DENND4C: variants seen among roughly 807,000 people sequenced by gnomAD.
DENND4C encodes the protein DENN domain containing 4C.
DENND4C carries 108 observed loss-of-function variants against 203.0 expected under a neutral mutation model. The observed-to-expected ratio is 0.53, with a 90% CI of 0.46 to 0.62. The LOEUF (loss-of-function observed/expected upper bound fraction) is 0.62, where lower values mean the gene tolerates loss of function less well. Among genes scored for constraint, DENND4C ranks in the 20% least tolerant of loss-of-function variants. DENND4C has a pLI of 0.00. For synonymous variants in DENND4C, 871 were observed against 792.4 expected, an observed-to-expected ratio of 1.10 and a Z score of -1.67; for missense variants, 2,481 against 2,301.2, an observed-to-expected ratio of 1.08 and a Z score of -1.60.
At chr9:19,362,541 A>C in intron 30 of DENND4C, among the ~76,000 whole-genome samples, 1 of 151,976 alleles carries the variant, frequency 6.6e-6, no homozygotes. Context: ...TTGCTGTTAA[A>C]AAAAAAAGTA....
chr9:19,319,361 C>T lies in DENND4C; in HGVS notation c.1807+2522C>T, dbSNP rs201348734. Among the ~76,000 whole-genome samples the T allele has an allele frequency of 5.5e-3, 236 of 43,036 alleles. 4 individuals are homozygous for T. Among genetic ancestry groups the T allele is most frequent in the African/African-American group, 6.7e-3 (60 of 8,966 alleles). 28.2% of individuals were successfully genotyped at this position (43,036 alleles called of 152,430 possible). On this transcript the variant is annotated intron_variant, in intron 12 of 32. Transcript: ENST00000434457. Reference sequence around the variant, plus strand: ...ACACATATATATATACTTATATATACACACATATATATACACATACATATA... The same window carrying T: ...ACACATATATATATACTTATATATATACACATATATATACACATACATATA...
intron 1 of DENND4C, among the ~76,000 whole-genome samples, chr9:19,247,990 A>G (rs1454657860): frequency 4.6e-5 from 7 of 152,074 alleles, no homozygotes; most frequent in African/African-American, 1.7e-4. Flanking sequence ...CATTTTTATT[A>G]TCTCTTTTCT....
rs1331112662 is a variant in DENND4C, at chr9:19,358,015, C to T, written c.5015C>T (p.Ser1672Phe). ...GATGTCCAAACTATGAAAATTTCATCTGTGCCTAATAGTTTATCAAAGCGA... is the reference window on the plus strand; with the variant it reads ...GATGTCCAAACTATGAAAATTTCATTTGTGCCTAATAGTTTATCAAAGCGA... ...SGDVQTMKISSVPNSLSKRNV... is the reference protein window; with the variant it reads ...SGDVQTMKISFVPNSLSKRNV... Residue 1672 changes from serine to phenylalanine, a missense_variant, in exon 28 of 33, where the codon TCT becomes TTT. Coordinates refer to ENST00000434457, the MANE Select transcript of DENND4C (RefSeq NM_001330640.2). This position sits in a 1 kb window ranked among gnomAD's most constrained non-coding sequence, Gnocchi z 4.8. 1 of 1,613,162 alleles carries T rather than the reference C, an allele frequency of 6.2e-7. No homozygotes were observed. The highest frequency in any genetic ancestry group is 8.5e-7 in the Non-Finnish European group (1 of 1,179,396).
At chr9:19,330,575 T>G (rs1818882158) in intron 16 of DENND4C, among the ~76,000 whole-genome samples, 2 of 151,954 alleles carry the variant, frequency 1.3e-5, no homozygotes, top group South Asian at 4.1e-4. Context: ...CTTGACCTTG[T>G]GATCCACCTG....
Position 19,286,458 on chromosome 9 carries a change from G to A in DENND4C, c.306-311G>A, listed in dbSNP as rs558005914. Among the ~76,000 whole-genome samples the A allele has an allele frequency of 4.6e-5, 7 of 152,232 alleles. No homozygotes were observed. In the South Asian group the frequency reaches 6.2e-4, roughly 14 times the overall value. ...GAATTGACCTGAAGATGTTTGTGGTGTTGCCCCTTTCTTTTTTCATATGTT... is the reference window on the plus strand; with the variant it reads ...GAATTGACCTGAAGATGTTTGTGGTATTGCCCCTTTCTTTTTTCATATGTT... On this transcript the variant is annotated intron_variant, in intron 2 of 32. Transcript: ENST00000434457.
At chr9:19,347,186 C>A in intron 23 of DENND4C, 100 bp downstream of exon 23, 1 of 1,225,928 alleles carries the variant, frequency 8.2e-7, no homozygotes. Context: ...TGTGCCCAGG[C>A]TGGAGTACAG....
intron 29 of DENND4C, among the ~76,000 whole-genome samples, chr9:19,360,813 G>T (rs1241787154): frequency 6.6e-6 from 1 of 152,128 alleles, no homozygotes; most frequent in Non-Finnish European, 1.5e-5. Context: ...TTTCTTAAGG[G>T]ATAGCTCCTG....
At chr9:19,265,437 TA>T (rs1254173169) in intron 1 of DENND4C, among the ~76,000 whole-genome samples, 4 of 58,368 alleles carry the variant, frequency 6.9e-5, no homozygotes, top group Non-Finnish European at 3.7e-5. Context: ...ATTTCTTTTT[TA>T]TTTTTATTTA....
Position 19,296,023 on chromosome 9 carries a change from A to T in DENND4C, c.817A>T (p.Ile273Phe). 1.2e-6 allele frequency: 2 copies of T among 1,613,664 alleles called. No homozygotes were observed. The highest frequency in any genetic ancestry group is 8.5e-7 in the Non-Finnish European group (1 of 1,179,662). The change falls in exon 6 of 33, where the codon ATT becomes TTT. Residue 273 changes from isoleucine to phenylalanine, a missense_variant. Physicochemically the swap from Ile to Phe is conservative, Grantham distance 21. Coordinates refer to ENST00000434457, the MANE Select transcript of DENND4C (RefSeq NM_001330640.2). ...SSAKKVYGAA[I>F]QFYEPYSREL... ...TACTCTTTAGGTATATGGAGCTGCC[A>T]TTCAGTTTTATGAACCTTACTCTCG...
intron 4 of DENND4C, among the ~76,000 whole-genome samples, 165 bp from the exon 5 acceptor site, chr9:19,290,539 A>G (rs1836079918): frequency 6.6e-6 from 1 of 152,198 alleles, no homozygotes; most frequent in African/African-American, 2.4e-5. Context: ...TATCAGGGGT[A>G]AACTTATTTT....
At chr9:19,268,253 C>T (rs1250534547) in intron 1 of DENND4C, among the ~76,000 whole-genome samples, 2 of 152,198 alleles carry the variant, frequency 1.3e-5, no homozygotes, top group East Asian at 3.9e-4. Context: ...GTGTGCACCA[C>T]TATACCTGGC....
At chr9:19,313,277 A>T (rs1220018138) in intron 10 of DENND4C, among the ~76,000 whole-genome samples, 1 of 152,130 alleles carries the variant, frequency 6.6e-6, no homozygotes, top group East Asian at 1.9e-4. Context: ...TCTTACTCTA[A>T]TTGGTACAAA....
intron 1 of DENND4C, among the ~76,000 whole-genome samples, chr9:19,257,813 CA>C (rs1294172221): frequency 6.6e-6 from 1 of 152,124 alleles, no homozygotes; most frequent in Non-Finnish European, 1.5e-5. Context: ...CCTTGAAAGA[CA>C]CAAACTACAA....
chr9:19,272,426 AC>A (rs200760992), intron 1 of DENND4C, among the ~76,000 whole-genome samples: 17 of 150,864 alleles, frequency 1.1e-4, no homozygotes, highest in Non-Finnish European at 1.3e-4. Context: ...ATCTCAAAAA[AC>A]AAAAACAAAA....
At chr9:19,268,486 T>C (rs1830969030) in intron 1 of DENND4C, among the ~76,000 whole-genome samples, 1 of 152,192 alleles carries the variant, frequency 6.6e-6, no homozygotes, top group Admixed American at 6.5e-5. Flanking sequence ...GTGTTAATAT[T>C]CTCTATATGT....
intron 17 of DENND4C, among the ~76,000 whole-genome samples, chr9:19,334,151 TCTA>T (rs1819897063): frequency 6.6e-6 from 1 of 152,204 alleles, no homozygotes; most frequent in Admixed American, 6.5e-5. Context: ...TTCCAGCAAT[TCTA>T]CTGCCTCACT....
rs191295319 is a variant in DENND4C, at chr9:19,295,181, C to T, written c.802-827C>T. Among the ~76,000 whole-genome samples, 5 of 152,030 alleles carry T rather than the reference C, an allele frequency of 3.3e-5. No homozygotes were observed. The East Asian group carries it at 9.7e-4, about 29-fold the overall frequency. ...GGTCAGGAGATAAAGACCATCCTGGCTAACACAGTGAAACCCCGTCTCTAC... is the reference window on the plus strand; with the variant it reads ...GGTCAGGAGATAAAGACCATCCTGGTTAACACAGTGAAACCCCGTCTCTAC... On this transcript the variant is annotated intron_variant, in intron 5 of 32. Coordinates refer to ENST00000434457, the MANE Select transcript of DENND4C (RefSeq NM_001330640.2).
At chr9:19,336,202 T>G in intron 18 of DENND4C, 68 bp from the exon 19 acceptor site, 1 of 1,425,230 alleles carries the variant, frequency 7.0e-7, no homozygotes, top group Non-Finnish European at 9.6e-7. Flanking sequence ...CACACACACA[T>G]ATATGTATGT....
intron 1 of DENND4C, among the ~76,000 whole-genome samples, chr9:19,235,325 A>G (rs144599108): frequency 1.8e-4 from 28 of 152,314 alleles, no homozygotes; most frequent in Non-Finnish European, 3.1e-4. Flanking sequence ...GCTACAATAT[A>G]GTATTTAATT....
Sources: allele counts gnomAD v4.1 joint callset (sites outside exome capture counted in the v4.1 genomes callset), GRCh38; gene constraint gnomAD v4.1.1; non-coding constraint Gnocchi (gnomAD v3.1); transcripts MANE v1.5; gene names NCBI Gene and HGNC (gene_info 2026-07-23, HGNC 2026-07-21).